The following ADAMTS17 variants were observed in gnomAD, a reference collection of about 807,000 sequenced individuals.
ADAMTS17 encodes A disintegrin and metalloproteinase with thrombospondin motifs 17.
Under a neutral mutation model 141.5 loss-of-function variants are expected in ADAMTS17, and 113 were observed. The ratio of observed to expected loss-of-function variants is 0.80; its 90% CI spans 0.69 to 0.93. The LOEUF (loss-of-function observed/expected upper bound fraction) is 0.93, where lower values mean the gene tolerates loss of function less well. ADAMTS17 is among the 40% of genes least tolerant of loss of function. The pLI is 0.00. For synonymous variants in ADAMTS17, 768 were observed against 630.6 expected, an observed-to-expected ratio of 1.22 and a Z score of -3.27; for missense variants, 1,659 against 1,517.9, an observed-to-expected ratio of 1.09 and a Z score of -1.54.
chr15:100,038,766 A>T (rs1439716532), intron 18 of ADAMTS17, among the ~76,000 whole-genome samples: 3 of 152,248 alleles, frequency 2.0e-5, no homozygotes, highest in Admixed American at 6.5e-5. Context: ...GTAAATACAG[A>T]CAGTTTTACT....
Position 100,133,297 on chromosome 15 carries a change from G to T in ADAMTS17, c.1492C>A (p.Leu498Met). Residue 498 changes from leucine (L) to methionine (M), a missense_variant, in exon 11 of 22, where the codon CTG becomes ATG. Physicochemically the swap from Leu to Met is conservative, Grantham distance 15 (BLOSUM62 2). Coordinates refer to ENST00000268070, the MANE Select transcript of ADAMTS17 (RefSeq NM_139057.4). The part of the protein sequence containing the change: ...RNMEHLMCAG[L>M]WCLVEGDTSC... ...GTGTCTCCTTCTACCAGGCACCACA[G>T]TCCAGCACACATTAGATGCTGCAGG... 1.9e-6 allele frequency: 3 copies of T among 1,591,184 alleles called. No individual in the cohort carries two copies. Among genetic ancestry groups the T allele is most frequent in the Non-Finnish European group, 2.6e-6 (3 of 1,166,554 alleles).
At chr15:100,224,678 T>C (rs1323306476) in intron 7 of ADAMTS17, among the ~76,000 whole-genome samples, 1 of 152,192 alleles carries the variant, frequency 6.6e-6, no homozygotes, top group Non-Finnish European at 1.5e-5. Flanking sequence ...AACCTTCTCC[T>C]AGGATTACAT....
intron 12 of ADAMTS17, among the ~76,000 whole-genome samples, chr15:100,122,411 A>G (rs1411378951): frequency 6.6e-6 from 1 of 152,194 alleles, no homozygotes; most frequent in Non-Finnish European, 1.5e-5. Context: ...CCCAATTGCT[A>G]TGCGGCAGGA....
At chr15:100,140,797 T>C (rs2038604436) in intron 10 of ADAMTS17, among the ~76,000 whole-genome samples, 1 of 152,230 alleles carries the variant, frequency 6.6e-6, no homozygotes, top group Admixed American at 6.5e-5. Context: ...AATCATGCAT[T>C]CTCGGTGTGA....
intron 12 of ADAMTS17, among the ~76,000 whole-genome samples, chr15:100,117,411 C>A (rs376621657): frequency 1.5e-5 from 1 of 65,166 alleles, no homozygotes; most frequent in African/African-American, 9.9e-5. Flanking sequence ...CCTTTAAATG[C>A]CCCCCCAGGT....
At chr15:100,288,908 A>G (rs1272468155) in intron 3 of ADAMTS17, among the ~76,000 whole-genome samples, 1 of 152,234 alleles carries the variant, frequency 6.6e-6, no homozygotes, top group African/African-American at 2.4e-5. Flanking sequence ...TCAGAAAGAT[A>G]TGAAATTAAT....
intron 2 of ADAMTS17, among the ~76,000 whole-genome samples, chr15:100,332,940 C>T (rs74037842): frequency 0.057 from 8,656 of 152,218 alleles, 493 homozygotes; most frequent in African/African-American, 0.14. Flanking sequence ...TGGGAACCTG[C>T]GTGAGGAAGG....
At chr15:100,053,324 G>C (rs929087769) in intron 16 of ADAMTS17, among the ~76,000 whole-genome samples, 23 of 152,100 alleles carry the variant, frequency 1.5e-4, no homozygotes. Flanking sequence ...GTAAGACGGC[G>C]CCCTGGCCTG....
rs114517228 is a variant in ADAMTS17, at chr15:100,207,157, T to A, written c.1076-7734A>T. 7.8e-3 allele frequency among the ~76,000 whole-genome samples: 1,183 copies of A among 152,170 alleles called. 18 individuals are homozygous for A. Among genetic ancestry groups the A allele is most frequent in the African/African-American group, 0.027 (1,120 of 41,506 alleles). ...CAAGGTGGGGCCCTGATCCAACAGGTCTGGGTCCTTATAAAAAGAAGAAGA... is the reference window on the plus strand; with the variant it reads ...CAAGGTGGGGCCCTGATCCAACAGGACTGGGTCCTTATAAAAAGAAGAAGA... On this transcript the variant is annotated intron_variant, in intron 7 of 21. Coordinates refer to ENST00000268070, the MANE Select transcript of ADAMTS17 (RefSeq NM_139057.4).
chr15:100,022,004 C>T (rs2061414711), intron 18 of ADAMTS17, among the ~76,000 whole-genome samples: 1 of 152,168 alleles, frequency 6.6e-6, no homozygotes, highest in Non-Finnish European at 1.5e-5. Context: ...ACTATCCTGA[C>T]CTTGCTATGG....
chr15:100,236,296 A>AAAC (rs2042652507), intron 7 of ADAMTS17, among the ~76,000 whole-genome samples: 1 of 151,220 alleles, frequency 6.6e-6, no homozygotes, highest in Non-Finnish European at 1.5e-5. Context: ...AAAAAAAAAA[A>AAAC]AAAACCCTAA....
At chr15:100,332,340 C>A (rs73485970) in intron 2 of ADAMTS17, among the ~76,000 whole-genome samples, 1 of 152,230 alleles carries the variant, frequency 6.6e-6, no homozygotes, top group African/African-American at 2.4e-5. Context: ...CACAGCTGTG[C>A]GCGATGCGGC....
rs1489646407 is a variant in ADAMTS17, at chr15:99,993,238, T to A, written c.2797-38A>T. ...ATTCAAATATTTAACCGAGTTCCAATTCGATTCAAGTCCATCAACAGCTAT... is the reference window on the plus strand; with the variant it reads ...ATTCAAATATTTAACCGAGTTCCAAATCGATTCAAGTCCATCAACAGCTAT... On this transcript the variant is annotated intron_variant, in intron 19 of 21. Transcript: ENST00000268070. This position sits in a 1 kb window ranked among gnomAD's most constrained non-coding sequence, Gnocchi z 4.3. 1 of 1,613,516 alleles carries A rather than the reference T, an allele frequency of 6.2e-7. No homozygotes were observed. The highest frequency in any genetic ancestry group is 2.2e-5 in the East Asian group (1 of 44,882).
intron 18 of ADAMTS17, among the ~76,000 whole-genome samples, chr15:100,007,229 C>T (rs1257272769): frequency 6.6e-6 from 1 of 152,174 alleles, no homozygotes; most frequent in African/African-American, 2.4e-5. Context: ...GGGAGCCTGC[C>T]CTCACAATGT....
intron 6 of ADAMTS17, among the ~76,000 whole-genome samples, chr15:100,254,877 GGAA>G (rs1282278683): frequency 6.6e-6 from 1 of 152,182 alleles, no homozygotes; most frequent in Non-Finnish European, 1.5e-5. Context: ...GACAGCATGA[GGAA>G]GAATAGCTAA....
rs780511640 is a variant in ADAMTS17 at position 100,116,893 on chromosome 15, C to A, written c.1842G>T (p.Arg614=). The change falls in exon 13 of 22, where the codon CGG becomes CGT. Residue 614 remains arginine, a synonymous_variant. Coordinates refer to ENST00000268070, the MANE Select transcript of ADAMTS17 (RefSeq NM_139057.4). The stretch of plus-strand genomic sequence containing the variant: ...GCAGGCCTTTCTTCTTGGGGCTCAG[C>A]CGGTCGTGTGCCTGGCACTGCTGGT... ...FRDQQCQAHD[R]LSPKKKGLLT... is the part of the protein sequence containing the mutation. 2 of 1,614,156 alleles carry A rather than the reference C, an allele frequency of 1.2e-6. No homozygotes were observed. Among genetic ancestry groups the A allele is most frequent in the Admixed American group, 3.3e-5 (2 of 60,024 alleles).
At chr15:100,265,759 A>G (rs995628129) in intron 4 of ADAMTS17, among the ~76,000 whole-genome samples, 2 of 151,970 alleles carry the variant, frequency 1.3e-5, no homozygotes, top group African/African-American at 4.8e-5. Context: ...TGCTATTAAG[A>G]CCCCCAAACA....
chr15:100,254,048 G>A, intron 7 of ADAMTS17, 88 bp downstream of exon 7: 1 of 1,293,196 alleles, frequency 7.7e-7, no homozygotes, highest in Non-Finnish European at 1.1e-6. Context: ...GCTTGTTTGA[G>A]GACAGCTCCT....
chr15:100,023,457 C>T (rs764428415), intron 18 of ADAMTS17, among the ~76,000 whole-genome samples: 5 of 151,950 alleles, frequency 3.3e-5, no homozygotes, highest in Non-Finnish European at 7.4e-5. Context: ...CTGCCTGCCT[C>T]GGCCTCCCAA....
Sources: allele counts gnomAD v4.1 joint callset (sites outside exome capture counted in the v4.1 genomes callset), GRCh38; gene constraint gnomAD v4.1.1; non-coding constraint Gnocchi (gnomAD v3.1); transcripts MANE v1.5; gene names NCBI Gene and HGNC (gene_info 2026-07-23, HGNC 2026-07-21).